Variants in CD84 observed in about 807,000 individuals in gnomAD.
CD84 encodes SLAM family member 5.
CD84 carries 22 observed loss-of-function variants against 33.8 expected under a neutral mutation model. The ratio of observed to expected loss-of-function variants is 0.65; its 90% CI spans 0.46 to 0.93. CD84 has a LOEUF of 0.93. CD84 is among the 40% of genes least tolerant of loss of function. CD84 has a pLI of 0.00. For synonymous variants in CD84, 154 were observed against 145.2 expected (o/e 1.06, Z -0.44); for missense variants, 400 against 397.6 (o/e 1.01, Z -0.05).
rs1287590821 is a variant in CD84 at position 160,553,896 on chromosome 1, T to A, written c.639A>T (p.Ala213=). The change falls in exon 3 of 7, where the codon GCA becomes GCT. Residue 213 remains alanine (A), a splice_region_variant and synonymous_variant. Transcript: ENST00000368054. ...SDSISARQLC[A]DIAMGFRTHH... ...GGAGAGATGGGCAGAGCTGGTTACCTGCACAGAGCTGCCGGGCAGAGATGG... is the reference window on the plus strand; with the variant it reads ...GGAGAGATGGGCAGAGCTGGTTACCAGCACAGAGCTGCCGGGCAGAGATGG... 5.0e-6 allele frequency: 8 copies of A among 1,614,082 alleles called. No individual in the cohort carries two copies. The highest frequency in any genetic ancestry group is 5.9e-6 in the Non-Finnish European group (7 of 1,180,046).
At position 160,547,727 on chromosome 1, in the gene CD84, T is replaced by C. The variant is rs190341339; in HGVS notation, c.*529A>G. The C allele has an allele frequency of 7.6e-5, 12 of 158,624 alleles. No homozygotes were observed. The highest frequency in any genetic ancestry group is 5.5e-4 in the Admixed American group (9 of 16,238). The allele number at this position is 158,624 out of a possible 1,614,324, so 9.8% of individuals were successfully genotyped here. ...GCATCTGCCTCAAGCGAAGGGTACATTTTCCTAATTTGCTCAAGATGCGTG... is the reference window on the plus strand; with the variant it reads ...GCATCTGCCTCAAGCGAAGGGTACACTTTCCTAATTTGCTCAAGATGCGTG... On this transcript the variant is annotated 3_prime_UTR_variant, in exon 7 of 7. Coordinates refer to ENST00000368054, the MANE Select transcript of CD84 (RefSeq NM_003874.4).
chr1:160,548,774 T>C (rs1411229419), intron 6 of CD84, among the ~76,000 whole-genome samples: 1 of 152,168 alleles, frequency 6.6e-6, no homozygotes, highest in Non-Finnish European at 1.5e-5. Context: ...ATCTTCCCAT[T>C]GGTTTGAGGA....
At chr1:160,564,559 C>T (rs988422111) in intron 2 of CD84, among the ~76,000 whole-genome samples, 4 of 152,106 alleles carry the variant, frequency 2.6e-5, no homozygotes, top group Non-Finnish European at 5.9e-5. Context: ...GCATCCATAC[C>T]GTGGAATACT....
At chr1:160,551,706 G>A (rs1256168700) in intron 4 of CD84, among the ~76,000 whole-genome samples, 2 of 152,086 alleles carry the variant, frequency 1.3e-5, no homozygotes, top group Non-Finnish European at 2.9e-5. Flanking sequence ...ACCACACCCA[G>A]CAAATTTTTT....
intron 4 of CD84, 183 bp from the exon 5 acceptor site, chr1:160,551,218 C>A (rs1431680517): frequency 8.5e-6 from 5 of 586,768 alleles, no homozygotes; most frequent in Admixed American, 6.0e-5. Context: ...TGAGGCCTCA[C>A]CCACAGGTCA....
chr1:160,573,182 C>T lies in CD84; in HGVS notation c.46+6210G>A, dbSNP rs73018394. On this transcript the variant is annotated intron_variant, in intron 1 of 6. Coordinates refer to ENST00000368054, the MANE Select transcript of CD84 (RefSeq NM_003874.4). Reference sequence around the variant, plus strand: ...AAACAAATAGAAAAGAATCAGAAACCCATATATATAGATTGTATAAAGATT... The same window carrying T: ...AAACAAATAGAAAAGAATCAGAAACTCATATATATAGATTGTATAAAGATT... Among the ~76,000 whole-genome samples the T allele has an allele frequency of 9.9e-3, 1,499 of 151,912 alleles. 29 individuals are homozygous for T. The highest frequency in any genetic ancestry group is 0.034 in the African/African-American group (1,428 of 41,408).
At chr1:160,572,481 G>A (rs1657748146) in intron 1 of CD84, among the ~76,000 whole-genome samples, 1 of 151,974 alleles carries the variant, frequency 6.6e-6, no homozygotes. Context: ...GTAAAGTGTG[G>A]ATAATTATTA....
At chr1:160,569,951 A>G (rs1042197197) in intron 1 of CD84, among the ~76,000 whole-genome samples, 1 of 152,150 alleles carries the variant, frequency 6.6e-6, no homozygotes, top group Non-Finnish European at 1.5e-5. Context: ...GGTTTTTGCG[A>G]GTGAAGATTA....
intron 2 of CD84, among the ~76,000 whole-genome samples, chr1:160,563,972 A>G (rs1056396851): frequency 3.3e-5 from 5 of 152,082 alleles, no homozygotes; most frequent in Non-Finnish European, 7.4e-5. Context: ...TAATCCAGAG[A>G]TAACATTAAA....
rs1655556402 is a variant in CD84 at position 160,541,816 on chromosome 1, G to C, written c.*6440C>G. On this transcript the variant is annotated 3_prime_UTR_variant, in exon 7 of 7. Transcript: ENST00000368054. ...TTTTAGTGTGGAAGTGAAGTGATAA[G>C]ATCCTCATTTTAGAAAGATTGCTCT... 2 of 152,200 alleles carry C rather than the reference G, an allele frequency of 1.3e-5. No homozygotes were observed. Among genetic ancestry groups the C allele is most frequent in the African/African-American group, 4.8e-5 (2 of 41,432 alleles). The allele number at this position is 152,200 out of a possible 1,614,324, so 9.4% of individuals were successfully genotyped here.
intron 2 of CD84, among the ~76,000 whole-genome samples, chr1:160,561,008 C>T (rs1473538255): frequency 6.6e-6 from 1 of 151,802 alleles, no homozygotes; most frequent in Non-Finnish European, 1.5e-5. Context: ...ACTAAATAGC[C>T]TACCAACCAA....
intron 2 of CD84, among the ~76,000 whole-genome samples, chr1:160,555,908 A>G (rs184811252): frequency 6.6e-6 from 1 of 152,346 alleles, no homozygotes; most frequent in East Asian, 1.9e-4. Flanking sequence ...GGTCCTAACA[A>G]TCTTTTAGAG....
chr1:160,565,291 T>C lies in CD84; in HGVS notation c.388+113A>G, dbSNP rs1465341713. 19 of 721,668 alleles carry C rather than the reference T, an allele frequency of 2.6e-5. No individual in the cohort carries two copies. The East Asian group carries it at 4.7e-4, about 18-fold the overall frequency. 44.7% of individuals were successfully genotyped at this position (721,668 alleles called of 1,614,324 possible). Reference sequence around the variant, plus strand: ...ATTGATGTATCAATATGTAAGTATTTATAGATATAAAAAGATTTAGGGGAC... The same window carrying C: ...ATTGATGTATCAATATGTAAGTATTCATAGATATAAAAAGATTTAGGGGAC... On this transcript the variant is annotated intron_variant, in intron 2 of 6. Transcript: ENST00000368054.
Position 160,548,100 on chromosome 1 carries a change from A to G in CD84, c.*156T>C, listed in dbSNP as rs1034579698. 10 of 718,924 alleles carry G rather than the reference A, an allele frequency of 1.4e-5. No homozygotes were observed. In the African/African-American group the frequency reaches 1.6e-4, roughly 11 times the overall value. 44.5% of individuals were successfully genotyped at this position (718,924 alleles called of 1,614,324 possible). On this transcript the variant is annotated 3_prime_UTR_variant, in exon 7 of 7. Transcript: ENST00000368054. ...CCATTTGTCCATTTAGGCACAAGCT[A>G]TGCCCAGCAGAAGGTTTCCTGCTTT...
At chr1:160,556,730 A>G (rs958156406) in intron 2 of CD84, among the ~76,000 whole-genome samples, 9 of 152,252 alleles carry the variant, frequency 5.9e-5, no homozygotes, top group Non-Finnish European at 1.2e-4. Context: ...CTAACTACCC[A>G]TAAGGTACAG....
At position 160,544,453 on chromosome 1, in the gene CD84, T is replaced by G. The variant is rs994752685; in HGVS notation, c.*3803A>C. 18 of 152,170 alleles carry G rather than the reference T, an allele frequency of 1.2e-4. No individual in the cohort carries two copies. Among genetic ancestry groups the G allele is most frequent in the Admixed American group, 1.1e-3 (17 of 15,276 alleles). The allele number at this position is 152,170 out of a possible 1,614,324, so 9.4% of individuals were successfully genotyped here. A position where few individuals can be genotyped will look rare whatever the true frequency, so the allele number is the denominator to read the frequency against. On this transcript the variant is annotated 3_prime_UTR_variant, in exon 7 of 7. Coordinates refer to ENST00000368054, the MANE Select transcript of CD84 (RefSeq NM_003874.4). The stretch of plus-strand genomic sequence containing the variant: ...AGCCACTGCGCCTGGCCTTCAAGCT[T>G]CATTTTACAATCAGTAGACACTGTC...
At position 160,564,677 on chromosome 1, in the gene CD84, C is replaced by T. The variant is rs557371328; in HGVS notation, c.388+727G>A. ...CCCAACCTCAAAAAGATACGTCCTTCATTATTCCATCTACATAACATGTGT... is the reference window on the plus strand; with the variant it reads ...CCCAACCTCAAAAAGATACGTCCTTTATTATTCCATCTACATAACATGTGT... On this transcript the variant is annotated intron_variant, in intron 2 of 6. Coordinates refer to ENST00000368054, the MANE Select transcript of CD84 (RefSeq NM_003874.4). Among the ~76,000 whole-genome samples the T allele has an allele frequency of 1.6e-4, 25 of 152,298 alleles. No homozygotes were observed. The South Asian group carries it at 5.2e-3, about 32-fold the overall frequency.
intron 1 of CD84, among the ~76,000 whole-genome samples, chr1:160,572,437 T>C (rs949771569): frequency 3.3e-5 from 5 of 152,174 alleles, no homozygotes; most frequent in Non-Finnish European, 5.9e-5. Flanking sequence ...TTGAGAAAAT[T>C]ATTGAAATTC....
chr1:160,551,204 T>C, intron 4 of CD84, 169 bp from the exon 5 acceptor site: 1 of 619,100 alleles, frequency 1.6e-6, no homozygotes, highest in Non-Finnish European at 2.9e-6. Flanking sequence ...AGGAGTCACT[T>C]GGCTGAGGCC....
Sources: allele counts gnomAD v4.1 joint callset (sites outside exome capture counted in the v4.1 genomes callset), GRCh38; gene constraint gnomAD v4.1.1; transcripts MANE v1.5; gene names NCBI Gene and HGNC (gene_info 2026-07-23, HGNC 2026-07-21).